WWC2: variants seen among roughly 807,000 people sequenced by gnomAD.
WWC2 encodes WW and C2 domain containing 2, also known as protein WWC2.
In WWC2, 101 loss-of-function variants were observed where a neutral mutation model predicts 138.5. That is an observed-to-expected ratio of 0.73 (90% CI 0.62 to 0.86). The LOEUF (loss-of-function observed/expected upper bound fraction) is 0.86, where lower values mean the gene tolerates loss of function less well. Among genes scored for constraint, WWC2 ranks in the 40% least tolerant of loss-of-function variants. WWC2 has a pLI of 0.00. For synonymous variants in WWC2, 558 were observed against 538.4 expected (o/e 1.04, Z -0.50); for missense variants, 1,420 against 1,419.4 (o/e 1.00, Z -0.01).
intron 16 of WWC2, among the ~76,000 whole-genome samples, chr4:183,278,632 T>A (rs1737950855): frequency 6.6e-6 from 1 of 152,124 alleles, no homozygotes; most frequent in Non-Finnish European, 1.5e-5. Context: ...CTTCCATTTG[T>A]TTGTATCCTC....
chr4:183,129,530 C>CT (rs1476520047), intron 1 of WWC2, among the ~76,000 whole-genome samples: 3 of 152,148 alleles, frequency 2.0e-5, no homozygotes, highest in African/African-American at 7.2e-5. Context: ...AGACCTGCAT[C>CT]TTTTTCCTTA....
Position 183,253,969 on chromosome 4 carries a change from GGGGAACACCAAGCAGAGCTCT to G in WWC2, c.1169_1189del (p.Gly390_Leu396del). On this transcript the variant is annotated inframe_deletion, in exon 9 of 23. Coordinates refer to ENST00000403733, the MANE Select transcript of WWC2 (RefSeq NM_024949.6). ...CTGGAAGAAGAGTTGCTGTCTGTGA[GGGGAACACCAAGCAGAGCTCT>G]GGCCGAGAGGTTTGTTTTCCTTCTG... 1.2e-6 allele frequency: 2 copies of G among 1,613,810 alleles called. No individual in the cohort carries two copies. The highest frequency in any genetic ancestry group is 1.7e-6 in the Non-Finnish European group (2 of 1,179,832).
chr4:183,151,309 A>G (rs1244824144), intron 1 of WWC2, among the ~76,000 whole-genome samples: 1 of 152,110 alleles, frequency 6.6e-6, no homozygotes, highest in Non-Finnish European at 1.5e-5. Context: ...GCATTTTTTC[A>G]TGTGTCCTTT....
intron 2 of WWC2, among the ~76,000 whole-genome samples, chr4:183,206,901 C>T (rs1198102186): frequency 6.6e-6 from 1 of 152,100 alleles, no homozygotes; most frequent in Non-Finnish European, 1.5e-5. Flanking sequence ...TTAGGGTAAT[C>T]TGATTCTTTC....
intron 1 of WWC2, among the ~76,000 whole-genome samples, chr4:183,108,270 C>T (rs1338430469): frequency 3.3e-5 from 5 of 152,094 alleles, no homozygotes; most frequent in African/African-American, 1.2e-4. Context: ...ACATCCAGGG[C>T]ACTAAGTCCT....
intron 2 of WWC2, among the ~76,000 whole-genome samples, chr4:183,207,643 T>C (rs1469347518): frequency 1.3e-5 from 2 of 152,078 alleles, no homozygotes; most frequent in East Asian, 3.9e-4. Context: ...GGGCATTGAG[T>C]GCTGGAATGA....
intron 1 of WWC2, among the ~76,000 whole-genome samples, chr4:183,099,974 C>T (rs1471220609): frequency 6.6e-6 from 1 of 152,240 alleles, no homozygotes; most frequent in South Asian, 2.1e-4. Flanking sequence ...CACCTTCGGC[C>T]TCTGGGCGGC....
chr4:183,180,841 C>T (rs1279339976), intron 1 of WWC2, among the ~76,000 whole-genome samples: 1 of 151,734 alleles, frequency 6.6e-6, no homozygotes, highest in Non-Finnish European at 1.5e-5. Flanking sequence ...GGGAGATTTC[C>T]CACAATTTGA....
chr4:183,254,086 A>C, intron 9 of WWC2, 87 bp downstream of exon 9: 10 of 1,518,666 alleles, frequency 6.6e-6, no homozygotes, highest in Non-Finnish European at 8.8e-6. Flanking sequence ...TGGAAATCTC[A>C]ATTGCATCTG....
intron 1 of WWC2, among the ~76,000 whole-genome samples, chr4:183,121,943 G>A (rs565136724): frequency 2.6e-5 from 4 of 152,036 alleles, no homozygotes; most frequent in East Asian, 1.9e-4. Flanking sequence ...CTGCCACCAC[G>A]CCCAGCTAAT....
intron 1 of WWC2, among the ~76,000 whole-genome samples, chr4:183,185,033 G>A (rs531199717): frequency 2.4e-4 from 36 of 152,142 alleles, no homozygotes; most frequent in African/African-American, 8.2e-4. Flanking sequence ...TCTAATTTAC[G>A]TCTTTTAAAC....
At chr4:183,258,987 T>G (rs185401669) in intron 9 of WWC2, among the ~76,000 whole-genome samples, 1 of 152,278 alleles carries the variant, frequency 6.6e-6, no homozygotes, top group East Asian at 1.9e-4. Flanking sequence ...GAAAAACTTT[T>G]GCAGTTGAAT....
intron 21 of WWC2, among the ~76,000 whole-genome samples, chr4:183,295,353 T>C (rs1435713300): frequency 1.3e-5 from 2 of 152,208 alleles, no homozygotes; most frequent in Non-Finnish European, 2.9e-5. Flanking sequence ...TTTTTTGAGT[T>C]TTGCTTGTCT....
At chr4:183,285,527 G>A (rs769714764) in intron 19 of WWC2, among the ~76,000 whole-genome samples, 9 of 152,176 alleles carry the variant, frequency 5.9e-5, no homozygotes, top group Admixed American at 3.3e-4. Context: ...TTGGGAGCCC[G>A]AGGAGAGCGA....
chr4:183,143,231 A>C (rs1415863908), intron 1 of WWC2, among the ~76,000 whole-genome samples: 1 of 152,164 alleles, frequency 6.6e-6, no homozygotes, highest in African/African-American at 2.4e-5. Flanking sequence ...GTCAGAAGAA[A>C]GCCAAACTCT....
chr4:183,240,365 C>A, intron 5 of WWC2, 103 bp downstream of exon 5: 3 of 833,890 alleles, frequency 3.6e-6, no homozygotes, highest in South Asian at 3.7e-5. Context: ...CTTAAAGAAA[C>A]GTAAAGTAAA....
At chr4:183,286,917 A>G (rs1443191515) in intron 20 of WWC2, among the ~76,000 whole-genome samples, 1 of 152,108 alleles carries the variant, frequency 6.6e-6, no homozygotes, top group Non-Finnish European at 1.5e-5. Context: ...CTTGAATACA[A>G]TTTCAAAAAG....
chr4:183,152,772 A>G (rs1389152079), intron 1 of WWC2, among the ~76,000 whole-genome samples: 2 of 151,412 alleles, frequency 1.3e-5, no homozygotes, highest in Non-Finnish European at 1.5e-5. Flanking sequence ...AATCCCAGCT[A>G]CTCAGGAGGC....
intron 22 of WWC2, among the ~76,000 whole-genome samples, chr4:183,314,540 G>A (rs1047366861): frequency 1.3e-5 from 2 of 152,222 alleles, no homozygotes; most frequent in South Asian, 2.1e-4. Context: ...GGTGGGGCCT[G>A]GGCCGTTCTG....
Sources: gnomAD v4.1 joint callset for allele counts (sites outside exome capture counted in the v4.1 genomes callset) on GRCh38, gnomAD v4.1.1 for gene constraint, MANE v1.5 for transcripts, NCBI Gene and HGNC (gene_info 2026-07-23, HGNC 2026-07-21) for gene names.